Variants in ARHGAP8 observed in about 807,000 individuals in gnomAD.
ARHGAP8 encodes Rho GTPase activating protein 8, also known as rho GTPase-activating protein 8.
A neutral mutation model predicts 46.1 loss-of-function variants in ARHGAP8; 62 were observed. The ratio of observed to expected loss-of-function variants is 1.34; its 90% CI spans 1.10 to 1.66. The LOEUF (loss-of-function observed/expected upper bound fraction) is 1.66. Ranked by LOEUF, ARHGAP8 falls within the 40% of genes most tolerant of loss-of-function variation. The pLI is 0.00. For synonymous variants in ARHGAP8, 375 were observed against 243.1 expected, an observed-to-expected ratio of 1.54 and a Z score of -5.05; for missense variants, 923 against 568.4, an observed-to-expected ratio of 1.62 and a Z score of -6.34.
At chr22:44,787,102 A>G (rs1318228699) in intron 2 of ARHGAP8, among the ~76,000 whole-genome samples, 1 of 151,984 alleles carries the variant, frequency 6.6e-6, no homozygotes, top group African/African-American at 2.4e-5. Flanking sequence ...GTGTTTGGAG[A>G]AATAAATTAC....
intron 6 of ARHGAP8, among the ~76,000 whole-genome samples, chr22:44,824,858 C>T (rs1356172886): frequency 6.6e-6 from 1 of 151,930 alleles, no homozygotes; most frequent in African/African-American, 2.4e-5. Context: ...GTCTCAAACT[C>T]CTAACCTCAA....
intron 7 of ARHGAP8, among the ~76,000 whole-genome samples, chr22:44,842,084 C>T (rs1931688248): frequency 6.6e-6 from 1 of 152,178 alleles, no homozygotes; most frequent in African/African-American, 2.4e-5. Flanking sequence ...ACAGGCTTAG[C>T]GCAGTGGCTC....
chr22:44,787,047 A>AAAAAAAAAAAAAAAAAAAC (rs796358176), intron 2 of ARHGAP8, among the ~76,000 whole-genome samples: 1 of 145,484 alleles, frequency 6.9e-6, no homozygotes, highest in Non-Finnish European at 1.5e-5. Flanking sequence ...CAAAAAAAAA[A>AAAAAAAAAAAAAAAAAAAC]AAAAGAAAGA....
At chr22:44,835,386 G>T (rs770222293) in intron 7 of ARHGAP8, among the ~76,000 whole-genome samples, 2 of 152,066 alleles carry the variant, frequency 1.3e-5, no homozygotes. Flanking sequence ...TTGGGAGGCC[G>T]AGGTGGGCGG....
chr22:44,779,474 C>A lies in ARHGAP8; in HGVS notation c.-71-6983C>A, dbSNP rs1440315898. On this transcript the variant is annotated intron_variant, in intron 1 of 11. Transcript: ENST00000356099. ...CGCGTGGCTATAGTGGCCTGTCCACCTGGCATGTAACATCCCGCTGTAGGA... is the reference window on the plus strand; with the variant it reads ...CGCGTGGCTATAGTGGCCTGTCCACATGGCATGTAACATCCCGCTGTAGGA... Among the ~76,000 whole-genome samples the A allele has an allele frequency of 2.0e-5, 3 of 152,048 alleles. No individual in the cohort carries two copies. The East Asian group carries it at 5.8e-4, about 29-fold the overall frequency.
intron 11 of ARHGAP8, among the ~76,000 whole-genome samples, chr22:44,861,154 T>C (rs1175453480): frequency 1.3e-5 from 2 of 152,094 alleles, no homozygotes; most frequent in African/African-American, 2.4e-5. Context: ...GTTTTTTTAG[T>C]AGAGATGGGG....
chr22:44,845,452 A>C, intron 8 of ARHGAP8, 110 bp downstream of exon 8: 1 of 1,460,838 alleles, frequency 6.8e-7, no homozygotes, highest in South Asian at 1.2e-5. Context: ...GTGACCAGGA[A>C]GGGAGGGGCT....
At chr22:44,799,257 G>C (rs1928312260) in intron 2 of ARHGAP8, among the ~76,000 whole-genome samples, 1 of 152,236 alleles carries the variant, frequency 6.6e-6, no homozygotes, top group Non-Finnish European at 1.5e-5. Context: ...GGCTGCGTGT[G>C]GCCTCTCCCT....
rs753453984 is a variant in ARHGAP8, at chr22:44,859,765, C to G, written c.912C>G (p.Arg304=). 3 of 1,613,932 alleles carry G rather than the reference C, an allele frequency of 1.9e-6. No individual in the cohort carries two copies. The highest frequency in any genetic ancestry group is 2.5e-6 in the Non-Finnish European group (3 of 1,180,038). Residue 304 remains arginine, a synonymous_variant, in exon 11 of 12, where the codon CGC becomes CGG. Transcript: ENST00000356099. ...GCAGCCTGCGTGTCACTGGCTGCCG[C>G]CAGATCTTACGGAGCCTCCCAGAGC... ...VESSLRVTGC[R]QILRSLPEHN... is the part of the protein sequence containing the mutation.
At chr22:44,781,414 G>C (rs1007423669) in intron 1 of ARHGAP8, among the ~76,000 whole-genome samples, 1 of 152,186 alleles carries the variant, frequency 6.6e-6, no homozygotes. Context: ...GCTGCGTTCA[G>C]ATGGGGTCCC....
At chr22:44,774,482 T>C (rs1318046141) in intron 1 of ARHGAP8, among the ~76,000 whole-genome samples, 1 of 152,104 alleles carries the variant, frequency 6.6e-6, no homozygotes, top group Non-Finnish European at 1.5e-5. Flanking sequence ...GTATGACATT[T>C]GACTATTTTC....
intron 1 of ARHGAP8, among the ~76,000 whole-genome samples, chr22:44,758,940 A>G (rs1924907274): frequency 6.6e-6 from 1 of 152,152 alleles, no homozygotes; most frequent in Non-Finnish European, 1.5e-5. Flanking sequence ...CGGATTTACC[A>G]TTTTTTTAGG....
intron 7 of ARHGAP8, among the ~76,000 whole-genome samples, chr22:44,836,291 C>G (rs1179583089): frequency 6.6e-6 from 1 of 151,708 alleles, no homozygotes; most frequent in Non-Finnish European, 1.5e-5. Context: ...GTTTCAAACT[C>G]CTGGGGCCAA....
At chr22:44,772,809 C>CTT (rs5845668) in intron 1 of ARHGAP8, among the ~76,000 whole-genome samples, 1,639 of 112,964 alleles carry the variant, frequency 0.015, 80 homozygotes, top group African/African-American at 0.032. Flanking sequence ...CTCTCTCCCA[C>CTT]TTTTTTTTTT....
At chr22:44,792,789 G>A (rs555741306) in intron 2 of ARHGAP8, among the ~76,000 whole-genome samples, 4 of 123,626 alleles carry the variant, frequency 3.2e-5, no homozygotes, top group East Asian at 2.5e-4. Flanking sequence ...TGACACTAAC[G>A]ACAGTGGTGG....
At chr22:44,846,507 C>T (rs2069960402) in intron 8 of ARHGAP8, among the ~76,000 whole-genome samples, 1 of 152,192 alleles carries the variant, frequency 6.6e-6, no homozygotes, top group Admixed American at 6.5e-5. Flanking sequence ...CCTGCGGCCC[C>T]AGCATTTCCC....
At chr22:44,767,483 G>A (rs185364361) in intron 1 of ARHGAP8, among the ~76,000 whole-genome samples, 1 of 152,128 alleles carries the variant, frequency 6.6e-6, no homozygotes, top group African/African-American at 2.4e-5. Context: ...AAAATTACCA[G>A]CAATTCCTTA....
chr22:44,862,663 A>C lies in ARHGAP8; in HGVS notation c.*68A>C. On this transcript the variant is annotated 3_prime_UTR_variant, in exon 12 of 12. Coordinates refer to ENST00000356099, the MANE Select transcript of ARHGAP8 (RefSeq NM_181335.3). ...GTCTGTGCACTTGTATGTTTTGTAA[A>C]CTTGGCATCTGTAAAAATAACCAGC... The C allele has an allele frequency of 2.0e-6, 3 of 1,484,808 alleles. No individual in the cohort carries two copies. The highest frequency in any genetic ancestry group is 4.6e-5 in the East Asian group (2 of 43,268). The allele number at this position is 1,484,808 out of a possible 1,614,324, so 92.0% of individuals were successfully genotyped here.
intron 1 of ARHGAP8, among the ~76,000 whole-genome samples, chr22:44,754,400 G>A (rs1211469966): frequency 6.6e-6 from 1 of 150,670 alleles, no homozygotes; most frequent in Non-Finnish European, 1.5e-5. Flanking sequence ...TTGTCGCCCA[G>A]GCTGGAGTGC....
Sources: gnomAD v4.1 joint callset for allele counts (sites outside exome capture counted in the v4.1 genomes callset) on GRCh38, gnomAD v4.1.1 for gene constraint, MANE v1.5 for transcripts, NCBI Gene and HGNC (gene_info 2026-07-23, HGNC 2026-07-21) for gene names.